RGS6: variants seen among roughly 807,000 people sequenced by gnomAD.
RGS6 encodes regulator of G-protein signaling 6.
Under a neutral mutation model 78.5 loss-of-function variants are expected in RGS6, and 30 were observed. The ratio of observed to expected loss-of-function variants is 0.38; its 90% CI spans 0.29 to 0.52. The LOEUF (loss-of-function observed/expected upper bound fraction) is 0.52. Among genes scored for constraint, RGS6 ranks in the 20% least tolerant of loss-of-function variants. The probability of loss-of-function intolerance (pLI) is 0.85; values close to 1 mark genes in which losing one functional copy is unlikely to be tolerated. For synonymous variants in RGS6, 206 were observed against 206.0 expected (o/e 1.00, Z 0.00); for missense variants, 495 against 609.7 (o/e 0.81, Z 1.98).
chr14:71,917,247 TG>T, the RGS6 span, among the ~76,000 whole-genome samples: 23 of 152,302 alleles, frequency 1.5e-4, no homozygotes, highest in Non-Finnish European at 3.4e-4. Context: ...TATGGAGATG[TG>T]GGGTGACGGT....
intron 2 of RGS6, among the ~76,000 whole-genome samples, chr14:72,019,792 A>G (rs2087969800): frequency 6.6e-6 from 1 of 152,144 alleles, no homozygotes; most frequent in South Asian, 2.1e-4. Context: ...AATCTCAGTT[A>G]ATGACTGGGG....
chr14:71,988,076 C>T (rs2094797490), intron 2 of RGS6, among the ~76,000 whole-genome samples: 7 of 152,150 alleles, frequency 4.6e-5, no homozygotes, highest in Admixed American at 2.6e-4. Context: ...ACAAAAGGCA[C>T]ACAAGTGATA....
At chr14:72,611,393 TG>T in the RGS6 span, among the ~76,000 whole-genome samples, 4 of 152,224 alleles carry the variant, frequency 2.6e-5, no homozygotes, top group Non-Finnish European at 4.4e-5. Flanking sequence ...GAAGGTTTGC[TG>T]AAAACCTCTC....
At chr14:71,874,791 G>A in the RGS6 span, among the ~76,000 whole-genome samples, 2 of 152,010 alleles carry the variant, frequency 1.3e-5, no homozygotes, top group Admixed American at 1.3e-4. Context: ...GTCATAAATA[G>A]CTCTTATTAT....
intron 2 of RGS6, among the ~76,000 whole-genome samples, chr14:71,995,493 T>C (rs1401395483): frequency 6.6e-6 from 1 of 152,176 alleles, no homozygotes; most frequent in Non-Finnish European, 1.5e-5. Flanking sequence ...GCTGTCCGGT[T>C]TATGTCCTGC....
chr14:71,992,221 CAG>C (rs896377879), intron 2 of RGS6, among the ~76,000 whole-genome samples: 8 of 152,216 alleles, frequency 5.3e-5, no homozygotes, highest in African/African-American at 1.7e-4. Flanking sequence ...TTAGTATAGA[CAG>C]AGTTTTGCCA....
At chr14:72,107,544 A>G (rs377608301) in intron 2 of RGS6, among the ~76,000 whole-genome samples, 2 of 152,284 alleles carry the variant, frequency 1.3e-5, no homozygotes, top group African/African-American at 4.8e-5. Flanking sequence ...AGATTCTCAT[A>G]ACTACTGACT....
At chr14:72,407,798 C>A (rs1420677994) in intron 3 of RGS6, among the ~76,000 whole-genome samples, 1 of 152,224 alleles carries the variant, frequency 6.6e-6, no homozygotes, top group African/African-American at 2.4e-5. Context: ...CATGGCCTCT[C>A]AACAGATCAA....
chr14:72,365,009 T>C (rs1043329798), intron 3 of RGS6, among the ~76,000 whole-genome samples: 2 of 152,208 alleles, frequency 1.3e-5, no homozygotes, highest in Admixed American at 6.5e-5. Flanking sequence ...AGTTACCACA[T>C]TGAGTTGAAA....
At chr14:72,358,849 G>A (rs2080892641) in intron 3 of RGS6, among the ~76,000 whole-genome samples, 1 of 152,118 alleles carries the variant, frequency 6.6e-6, no homozygotes, top group Non-Finnish European at 1.5e-5. Context: ...GAGGGGCTGG[G>A]GTAGAATGAT....
rs529854135 is a variant in RGS6 at position 72,453,386 on chromosome 14, C to A, written c.185-1142C>A. 2.7e-3 allele frequency among the ~76,000 whole-genome samples: 406 copies of A among 151,586 alleles called. 14 individuals carry two copies. The highest frequency in any genetic ancestry group is 0.02 in the Admixed American group (310 of 15,210). The stretch of plus-strand genomic sequence containing the variant: ...ATCCCAGCACTTTGGGAGGCCGAGG[C>A]GGGCGGATCACGAGGTCAGGAGATC... On this transcript the variant is annotated intron_variant, in intron 3 of 17. Coordinates refer to ENST00000553525, the MANE Select transcript of RGS6 (RefSeq NM_001204424.2).
chr14:71,936,032 A>ATATATATAT (rs1428492267), intron 1 of RGS6, among the ~76,000 whole-genome samples: 1 of 142,022 alleles, frequency 7.0e-6, no homozygotes, highest in Non-Finnish European at 1.5e-5. Flanking sequence ...ATATATATAT[A>ATATATATAT]TATATATATG....
chr14:71,907,673 G>A, the RGS6 span, among the ~76,000 whole-genome samples: 1 of 152,068 alleles, frequency 6.6e-6, no homozygotes, highest in African/African-American at 2.4e-5. Context: ...ACAGTATGAG[G>A]GCCGGGGTGG....
At chr14:71,919,950 C>T in the RGS6 span, among the ~76,000 whole-genome samples, 13 of 152,076 alleles carry the variant, frequency 8.5e-5, no homozygotes, top group African/African-American at 2.7e-4. Flanking sequence ...TCAGAGATCA[C>T]GCCACTGCAT....
intron 2 of RGS6, among the ~76,000 whole-genome samples, chr14:71,973,945 G>A (rs1359615097): frequency 1.3e-5 from 2 of 152,184 alleles, no homozygotes; most frequent in African/African-American, 4.8e-5. Context: ...TATTTTTAGT[G>A]TGGGGAATAG....
At chr14:72,037,566 A>C (rs556939331) in intron 2 of RGS6, among the ~76,000 whole-genome samples, 1 of 152,304 alleles carries the variant, frequency 6.6e-6, no homozygotes, top group African/African-American at 2.4e-5. Flanking sequence ...CTCCAGACAC[A>C]GTATGAGATT....
At chr14:72,130,755 T>C (rs925573620) in intron 2 of RGS6, among the ~76,000 whole-genome samples, 1 of 152,220 alleles carries the variant, frequency 6.6e-6, no homozygotes, top group Non-Finnish European at 1.5e-5. Flanking sequence ...TATCATTTGC[T>C]TAGAAAATTA....
At chr14:72,182,416 C>CA (rs34656799) in intron 2 of RGS6, among the ~76,000 whole-genome samples, 2,761 of 106,230 alleles carry the variant, frequency 0.026, 68 homozygotes, top group African/African-American at 0.064. Context: ...GACTCCATCT[C>CA]AAAAAAAAAA....
At chr14:72,261,789 A>C (rs9323566) in intron 2 of RGS6, among the ~76,000 whole-genome samples, 22,936 of 152,092 alleles carry the variant, frequency 0.15, 2,678 homozygotes, top group African/African-American at 0.33. Context: ...GCCAAAAGTC[A>C]AAATCATATT....
Sources: gnomAD v4.1 joint callset for allele counts (sites outside exome capture counted in the v4.1 genomes callset) on GRCh38, gnomAD v4.1.1 for gene constraint, MANE v1.5 for transcripts, NCBI Gene and HGNC (gene_info 2026-07-23, HGNC 2026-07-21) for gene names.